GAK: variants seen among roughly 807,000 people sequenced by gnomAD.
GAK encodes the protein cyclin G associated kinase, also known as cyclin-G-associated kinase.
GAK carries 79 observed loss-of-function variants against 143.9 expected under a neutral mutation model. That is an observed-to-expected ratio of 0.55 (90% CI 0.46 to 0.66). The LOEUF (loss-of-function observed/expected upper bound fraction) is 0.66. Ranked by LOEUF, GAK falls within the 30% of genes least tolerant of loss-of-function variation. The probability of loss-of-function intolerance (pLI) is 0.00; values close to 1 mark genes in which losing one functional copy is unlikely to be tolerated. For synonymous variants in GAK, 881 were observed against 765.5 expected (o/e 1.15, Z -2.49); for missense variants, 1,693 against 1,779.7 (o/e 0.95, Z 0.88).
chr4:919,793 A>G (rs2152960444), intron 1 of GAK, among the ~76,000 whole-genome samples: 1 of 152,364 alleles, frequency 6.6e-6, no homozygotes, highest in East Asian at 1.9e-4. Flanking sequence ...TACAAACACC[A>G]TGAAGCAGAA....
intron 11 of GAK, chr4:887,234 A>ACATGCACGCGG (rs1716580109): frequency 8.0e-6 from 1 of 124,936 alleles, no homozygotes; most frequent in Non-Finnish European, 1.8e-5. Context: ...GCTCACGCGC[A>ACATGCACGCGG]CTCACGTGTA....
rs1722117300 is a variant in GAK, at chr4:911,937, G to A, written c.268-150C>T. The A allele has an allele frequency of 6.6e-6, 4 of 602,770 alleles. No homozygotes were observed. The South Asian group carries it at 6.7e-5, about 10-fold the overall frequency. 37.3% of individuals were successfully genotyped at this position (602,770 alleles called of 1,614,324 possible). On this transcript the variant is annotated intron_variant, in intron 3 of 27. Transcript: ENST00000314167. ...AGACGTCAGAGCGGAAGATGAGGGA[G>A]AGAGCAGTGGACGACCGAGAGAAAG...
chr4:903,928 C>A (rs928547122), intron 5 of GAK, among the ~76,000 whole-genome samples: 22 of 152,238 alleles, frequency 1.4e-4, no homozygotes, highest in African/African-American at 5.3e-4. Context: ...GGATCTCTGT[C>A]GGCAAAGGCC....
Position 882,782 on chromosome 4 carries a change from T to C in GAK, c.1442A>G (p.His481Arg), listed in dbSNP as rs936856589. Residue 481 changes from histidine to arginine, a missense_variant, in exon 14 of 28, where the codon CAC becomes CGC. Around this residue, in one of 2 missense-constraint regions of GAK, gnomAD observed 871 missense variants for 991.0 expected, o/e 0.88. Coordinates refer to ENST00000314167, the MANE Select transcript of GAK (RefSeq NM_005255.4). Reference sequence around the variant, plus strand: ...GCAGATGTTGTACAGGGTGTGCAGGTGTGGGGCCCGCCGTGCTGCCCAGCC... The same window carrying C: ...GCAGATGTTGTACAGGGTGTGCAGGCGTGGGGCCCGCCGTGCTGCCCAGCC... Reference protein sequence around the residue: ...ECGWAARRAPHLHTLYNICRN... With the variant: ...ECGWAARRAPRLHTLYNICRN... The C allele has an allele frequency of 6.2e-7, 1 of 1,610,932 alleles. No individual in the cohort carries two copies. The highest frequency in any genetic ancestry group is 8.5e-7 in the Non-Finnish European group (1 of 1,179,908).
chr4:868,547 T>A lies in GAK; in HGVS notation c.2387A>T (p.Asp796Val). The A allele has an allele frequency of 6.2e-7, 1 of 1,607,276 alleles. No individual in the cohort carries two copies. Among genetic ancestry groups the A allele is most frequent in the Non-Finnish European group, 8.5e-7 (1 of 1,178,642 alleles). The change falls in exon 20 of 28, where the codon GAC (aspartate) becomes GTC (valine). Residue 796 changes from aspartate to valine, a missense_variant. Coordinates refer to ENST00000314167, the MANE Select transcript of GAK (RefSeq NM_005255.4). ...ADASRFLHTL[D>V]WQEEKEAETG... ...CCAGGGACGCTGCCTACCCTGCCAG[T>A]CCAGCGTGTGCAGGAAGCGACTGGC...
At position 884,053 on chromosome 4, in the gene GAK, G is replaced by A. The variant is rs1462688349; in HGVS notation, c.1239C>T (p.Ile413=). ...YAKGDLDISY[I]TSRIAVMSFP... ...CACGCATACCTGCAATTCTGGATGT[G>A]ATGTAAGATATGTCCAGGTCACCCT... is the stretch of plus-strand genomic sequence containing the variant. The change falls in exon 12 of 28, where the codon ATC becomes ATT. Residue 413 remains isoleucine (I), a synonymous_variant. Coordinates refer to ENST00000314167, the MANE Select transcript of GAK (RefSeq NM_005255.4). 1 of 1,613,844 alleles carries A rather than the reference G, an allele frequency of 6.2e-7. No individual in the cohort carries two copies. Among genetic ancestry groups the A allele is most frequent in the Non-Finnish European group, 8.5e-7 (1 of 1,179,866 alleles).
At chr4:903,010 C>A (rs1720225948) in intron 5 of GAK, among the ~76,000 whole-genome samples, 1 of 152,208 alleles carries the variant, frequency 6.6e-6, no homozygotes, top group Non-Finnish European at 1.5e-5. Flanking sequence ...TCAACACAGG[C>A]AGCTCAGGGC....
At position 876,455 on chromosome 4, in the gene GAK, C is replaced by T. The variant is rs528285845; in HGVS notation, c.2054+75G>A. On this transcript the variant is annotated intron_variant, in intron 18 of 27. Coordinates refer to ENST00000314167, the MANE Select transcript of GAK (RefSeq NM_005255.4). ...CCCGCCACTCCCCCTGGGGCTCCCA[C>T]GACCGGCCCACATGCAGGTGCTGCG... is the stretch of plus-strand genomic sequence containing the variant. The T allele has an allele frequency of 8.1e-5, 108 of 1,336,852 alleles. No individual in the cohort carries two copies. In the South Asian group the frequency reaches 8.3e-4, roughly 10 times the overall value. 82.8% of individuals were successfully genotyped at this position (1,336,852 alleles called of 1,614,324 possible). A position where few individuals can be genotyped will look rare whatever the true frequency, so the allele number is the denominator to read the frequency against.
At chr4:876,989 C>A (rs1171697870) in intron 17 of GAK, 101 bp downstream of exon 17, 13 of 782,950 alleles carry the variant, frequency 1.7e-5, no homozygotes, top group Non-Finnish European at 2.8e-5. Context: ...AAACAGCGAG[C>A]ACCCTGGACC....
intron 1 of GAK, chr4:915,824 C>T (rs554183242): frequency 6.6e-6 from 1 of 152,282 alleles, no homozygotes; most frequent in South Asian, 2.1e-4. Context: ...TCCTTGTTCT[C>T]ACCACTGATG....
At position 867,311 on chromosome 4, in the gene GAK, C is replaced by T. The variant is rs752579516; in HGVS notation, c.2517G>A (p.Glu839=). The T allele has an allele frequency of 1.2e-6, 2 of 1,611,680 alleles. No individual in the cohort carries two copies. Among genetic ancestry groups the T allele is most frequent in the Non-Finnish European group, 1.7e-6 (2 of 1,178,786 alleles). ...CTGGGTCGGCCCTGGGTTCCTGGCC[C>T]TCGCTGGAGATCGGGGATCCCCCTT... ...SDEGGSPISS[E]GQEPRADPEP... is the part of the protein sequence containing the mutation. The change falls in exon 21 of 28, where the codon GAG becomes GAA. Residue 839 remains glutamate, a synonymous_variant. Transcript: ENST00000314167.
At chr4:856,540 C>T (rs898357277) in intron 24 of GAK, among the ~76,000 whole-genome samples, 16 of 144,726 alleles carry the variant, frequency 1.1e-4, no homozygotes, top group South Asian at 4.6e-4. Flanking sequence ...ACCACAGCTG[C>T]TCACACCTGC....
intron 19 of GAK, chr4:869,847 C>G (rs1225102987): frequency 6.6e-6 from 1 of 151,620 alleles, no homozygotes; most frequent in East Asian, 2.0e-4. Flanking sequence ...ATGCACACAG[C>G]ACACATAGAT....
At chr4:927,099 G>A (rs373347583) in intron 1 of GAK, among the ~76,000 whole-genome samples, 1 of 60,494 alleles carries the variant, frequency 1.7e-5, no homozygotes, top group Non-Finnish European at 3.2e-5. Context: ...GCACTGCCCC[G>A]CACCCCTCCC....
At chr4:881,238 C>G (rs1715042799) in intron 15 of GAK, among the ~76,000 whole-genome samples, 1 of 152,222 alleles carries the variant, frequency 6.6e-6, no homozygotes, top group African/African-American at 2.4e-5. Context: ...GCTCCTGGGC[C>G]CTAACCCTTG....
chr4:878,899 G>A (rs1235717614), intron 15 of GAK, among the ~76,000 whole-genome samples: 1 of 152,192 alleles, frequency 6.6e-6, no homozygotes, highest in Non-Finnish European at 1.5e-5. Context: ...TATGGTGACG[G>A]TGCAGACCCC....
intron 26 of GAK, 63 bp from the exon 27 acceptor site, chr4:850,131 G>A (rs751537447): frequency 4.4e-5 from 63 of 1,445,436 alleles, no homozygotes; most frequent in Non-Finnish European, 5.3e-5. Flanking sequence ...TCTGCACCGC[G>A]GAAACTGAGG....
At chr4:850,091 C>T (rs571947865) in intron 26 of GAK, 23 bp from the exon 27 acceptor site, 14 of 1,542,840 alleles carry the variant, frequency 9.1e-6, no homozygotes, top group South Asian at 4.7e-5. Flanking sequence ...CGGAGCTTGC[C>T]GAGCCCTGGG....
At chr4:911,226 C>T (rs923605762) in intron 4 of GAK, among the ~76,000 whole-genome samples, 7 of 152,252 alleles carry the variant, frequency 4.6e-5, no homozygotes, top group Non-Finnish European at 7.4e-5. Flanking sequence ...ACCCCAGAGC[C>T]CCTGACAAGG....
Sources: allele counts gnomAD v4.1 joint callset (sites outside exome capture counted in the v4.1 genomes callset), GRCh38; gene constraint gnomAD v4.1.1; regional missense constraint gnomAD v4.1.1; transcripts MANE v1.5; gene names NCBI Gene and HGNC (gene_info 2026-07-23, HGNC 2026-07-21).